QKI: variants seen among roughly 807,000 people sequenced by gnomAD.
QKI encodes KH domain-containing RNA-binding protein QKI.
Under a neutral mutation model 39.0 loss-of-function variants are expected in QKI, and 10 were observed. That is an observed-to-expected ratio of 0.26 (90% CI 0.16 to 0.43). The LOEUF is 0.43. Among genes scored for constraint, QKI ranks in the 20% least tolerant of loss-of-function variants. The pLI is 1.00. For synonymous variants in QKI, 204 were observed against 155.4 expected (o/e 1.31, Z -2.33); for missense variants, 218 against 428.0 (o/e 0.51, Z 4.33).
At chr6:163,514,178 C>G (rs1318661886) in intron 3 of QKI, among the ~76,000 whole-genome samples, 1 of 151,990 alleles carries the variant, frequency 6.6e-6, no homozygotes, top group East Asian at 1.9e-4. Context: ...CTTACTGCTG[C>G]CTAGCTTATG....
intron 4 of QKI, among the ~76,000 whole-genome samples, chr6:163,555,924 C>A (rs1782568347): frequency 6.6e-6 from 1 of 152,016 alleles, no homozygotes; most frequent in Non-Finnish European, 1.5e-5. Flanking sequence ...AAAGATACTT[C>A]CACTTAAAGG....
chr6:163,508,867 G>T (rs1042191390), intron 3 of QKI, among the ~76,000 whole-genome samples: 1 of 151,742 alleles, frequency 6.6e-6, no homozygotes, highest in African/African-American at 2.4e-5. Context: ...GGCCGGGCAC[G>T]GTGGCTCACA....
At chr6:163,471,818 C>T (rs1792210776) in intron 2 of QKI, among the ~76,000 whole-genome samples, 1 of 146,828 alleles carries the variant, frequency 6.8e-6, no homozygotes. Context: ...TGTTAAAATT[C>T]AATGAAGAAA....
chr6:163,487,962 G>A (rs369976751), intron 3 of QKI, among the ~76,000 whole-genome samples: 2 of 151,898 alleles, frequency 1.3e-5, no homozygotes, highest in East Asian at 3.9e-4. Flanking sequence ...TCAGAAAGGC[G>A]GAATAAATGT....
At chr6:163,416,088 AT>A (rs1787458927) in intron 1 of QKI, among the ~76,000 whole-genome samples, 2 of 148,460 alleles carry the variant, frequency 1.3e-5, no homozygotes, top group African/African-American at 5.0e-5. Context: ...AAATAACGCG[AT>A]GACAGATCGG....
At chr6:163,529,991 CA>C (rs1438528671) in intron 3 of QKI, among the ~76,000 whole-genome samples, 1 of 152,146 alleles carries the variant, frequency 6.6e-6, no homozygotes, top group Admixed American at 6.5e-5. Context: ...GTCTAGAAAT[CA>C]GGGGGCAGTA....
chr6:163,421,210 ACATGT>A (rs1787966330), intron 1 of QKI, among the ~76,000 whole-genome samples: 1 of 152,220 alleles, frequency 6.6e-6, no homozygotes, highest in Non-Finnish European at 1.5e-5. Context: ...CAACTTAAAA[ACATGT>A]CATGTTATTT....
chr6:163,522,194 T>C (rs1780203176), intron 3 of QKI, among the ~76,000 whole-genome samples: 1 of 152,194 alleles, frequency 6.6e-6, no homozygotes, highest in African/African-American at 2.4e-5. Context: ...AACCCTCATA[T>C]GTGCTTTTAT....
intron 1 of QKI, among the ~76,000 whole-genome samples, chr6:163,436,720 G>T (rs1789304801): frequency 6.9e-6 from 1 of 145,306 alleles, no homozygotes; most frequent in African/African-American, 2.5e-5. Context: ...AACCTGGGAG[G>T]CCGAGGTTGC....
At chr6:163,547,436 C>T (rs2128245211) in intron 4 of QKI, among the ~76,000 whole-genome samples, 1 of 152,264 alleles carries the variant, frequency 6.6e-6, no homozygotes, top group South Asian at 2.1e-4. Context: ...ATTTGTTCTT[C>T]CTGGACAGTC....
rs566206355 is a variant in QKI, at chr6:163,444,937, G to T, written c.143-10342G>T. On this transcript the variant is annotated intron_variant, in intron 1 of 7. Transcript: ENST00000361752. Reference sequence around the variant, plus strand: ...TTATTATTATTATTTTTGAGACAGGGTCCTGCTCTGTCACCCAGGCGAGTG... The same window carrying T: ...TTATTATTATTATTTTTGAGACAGGTTCCTGCTCTGTCACCCAGGCGAGTG... Among the ~76,000 whole-genome samples the T allele has an allele frequency of 2.0e-5, 3 of 151,784 alleles. No individual in the cohort carries two copies. In the South Asian group the frequency reaches 6.3e-4, roughly 32 times the overall value.
chr6:163,563,753 C>T (rs768826929), intron 6 of QKI, 34 bp downstream of exon 6: 4 of 1,572,006 alleles, frequency 2.5e-6, no homozygotes, highest in South Asian at 2.4e-5. Flanking sequence ...TAACAACATT[C>T]TCTTTATAAA....
At chr6:163,520,884 G>C (rs1442433156) in intron 3 of QKI, among the ~76,000 whole-genome samples, 1 of 152,100 alleles carries the variant, frequency 6.6e-6, no homozygotes, top group Non-Finnish European at 1.5e-5. Flanking sequence ...TAGTTCTCTT[G>C]TTAGCCAAAT....
chr6:163,466,590 T>C (rs981436534), intron 2 of QKI, among the ~76,000 whole-genome samples: 8 of 152,022 alleles, frequency 5.3e-5, no homozygotes, highest in African/African-American at 1.7e-4. Context: ...AGTCAACTAA[T>C]CTTTGACAAG....
rs975586369 is a variant in QKI at position 163,572,265 on chromosome 6, ATTTTGTT to A, written c.*1566_*1572del. 2.0e-5 allele frequency: 3 copies of A among 152,130 alleles called. No individual in the cohort carries two copies. The highest frequency in any genetic ancestry group is 2.9e-5 in the Non-Finnish European group (2 of 67,988). 9.4% of individuals were successfully genotyped at this position (152,130 alleles called of 1,614,324 possible). A position where few individuals can be genotyped will look rare whatever the true frequency, so the allele number is the denominator to read the frequency against. ...TGGAGAAGGGGGATGCATTCATTTG[ATTTTGTT>A]TTTTGTTTTTAATTAATTGAATATA... On this transcript the variant is annotated 3_prime_UTR_variant, in exon 8 of 8. Coordinates refer to ENST00000361752, the MANE Select transcript of QKI (RefSeq NM_006775.3).
At chr6:163,418,637 A>G (rs903438527) in intron 1 of QKI, among the ~76,000 whole-genome samples, 2 of 152,148 alleles carry the variant, frequency 1.3e-5, no homozygotes, top group Non-Finnish European at 2.9e-5. Context: ...GAAACCTTTT[A>G]TTGAAGATAG....
At chr6:163,436,789 CAAAAAA>C (rs60899517) in intron 1 of QKI, among the ~76,000 whole-genome samples, 8 of 89,438 alleles carry the variant, frequency 8.9e-5, no homozygotes, top group East Asian at 3.7e-4. Context: ...GACTCCGTCT[CAAAAAA>C]AAAAAAAAAA....
In QKI at chr6:163,563,086, A is replaced by G. The variant is rs555252942; in HGVS notation, c.635-334A>G. On this transcript the variant is annotated intron_variant, in intron 5 of 7. Coordinates refer to ENST00000361752, the MANE Select transcript of QKI (RefSeq NM_006775.3). ...TTATTTTTTAACATCTGTTAATGCA[A>G]GTGTTTCATTGTGCTTCTGCATGTA... 1.6e-4 allele frequency among the ~76,000 whole-genome samples: 24 copies of G among 152,326 alleles called. No individual in the cohort carries two copies. The South Asian group carries it at 4.6e-3, about 29-fold the overall frequency.
At chr6:163,570,398 T>C (rs1370973183) in intron 7 of QKI, 6 of 981,410 alleles carry the variant, frequency 6.1e-6, no homozygotes, top group Non-Finnish European at 7.3e-6. Flanking sequence ...TGCTACTAAC[T>C]ATTAGTTGTT....
Sources: allele counts gnomAD v4.1 joint callset (sites outside exome capture counted in the v4.1 genomes callset), GRCh38; gene constraint gnomAD v4.1.1; transcripts MANE v1.5; gene names NCBI Gene and HGNC (gene_info 2026-07-23, HGNC 2026-07-21).